COL5A2: variants seen among roughly 807,000 people sequenced by gnomAD.
COL5A2 encodes the protein collagen alpha-2(V) chain.
In COL5A2, 23 loss-of-function variants were observed where a neutral mutation model predicts 208.2. That is an observed-to-expected ratio of 0.11 (90% CI 0.08 to 0.16). The LOEUF (loss-of-function observed/expected upper bound fraction) is 0.16, where lower values mean the gene tolerates loss of function less well. Ranked by LOEUF, COL5A2 falls within the 10% of genes least tolerant of loss-of-function variation. The probability of loss-of-function intolerance (pLI) is 1.00; values close to 1 mark genes in which losing one functional copy is unlikely to be tolerated. For synonymous variants in COL5A2, 625 were observed against 628.5 expected (o/e 0.99, Z 0.08); for missense variants, 1,590 against 1,956.4 (o/e 0.81, Z 3.53).
intron 1 of COL5A2, among the ~76,000 whole-genome samples, chr2:189,174,198 T>G (rs1462565321): frequency 1.3e-5 from 2 of 152,218 alleles, no homozygotes; most frequent in Admixed American, 6.5e-5. Flanking sequence ...CTGTCTAGAA[T>G]GATGAACACA....
chr2:189,417,853 T>C, the COL5A2 span, among the ~76,000 whole-genome samples: 1 of 151,766 alleles, frequency 6.6e-6, no homozygotes, highest in Non-Finnish European at 1.5e-5. Context: ...TATATATATA[T>C]GCACACACAC....
the COL5A2 span, among the ~76,000 whole-genome samples, chr2:189,413,866 A>G: frequency 1.9e-4 from 25 of 130,828 alleles, no homozygotes; most frequent in Non-Finnish European, 3.8e-4. Context: ...ATCTCAGCTC[A>G]CTGCAACCTC....
chr2:189,197,174 C>T (rs1448531827), intron 1 of COL5A2, among the ~76,000 whole-genome samples: 1 of 152,122 alleles, frequency 6.6e-6, no homozygotes, highest in Non-Finnish European at 1.5e-5. Context: ...CCTCAGCAAA[C>T]TAACATAGGA....
At chr2:189,125,253 T>C (rs1198907373) in intron 1 of COL5A2, among the ~76,000 whole-genome samples, 1 of 152,178 alleles carries the variant, frequency 6.6e-6, no homozygotes, top group East Asian at 1.9e-4. Flanking sequence ...AATAAGGCCA[T>C]TCACAGTATC....
At chr2:189,208,070 C>T (rs1274243946) in intron 1 of COL5A2, among the ~76,000 whole-genome samples, 1 of 152,146 alleles carries the variant, frequency 6.6e-6, no homozygotes, top group Non-Finnish European at 1.5e-5. Flanking sequence ...TTTTGAGCTA[C>T]GAAGTCATTT....
the COL5A2 span, among the ~76,000 whole-genome samples, chr2:189,325,597 C>T: frequency 6.6e-6 from 1 of 152,124 alleles, no homozygotes; most frequent in South Asian, 2.1e-4. Context: ...GTGTAATCTG[C>T]AGTGATTTTT....
chr2:189,414,753 CAAAAAAAAAA>C, the COL5A2 span, among the ~76,000 whole-genome samples: 3 of 70,306 alleles, frequency 4.3e-5, no homozygotes, highest in African/African-American at 1.1e-4. Context: ...GACTCTGTCT[CAAAAAAAAAA>C]AAAAAAAAAA....
rs370718896 is a variant in COL5A2, at chr2:189,041,710, C to G, written c.3526-17G>C. ...TGGAGGACCCTGCAAGAAACAAAGA[C>G]TGTAGTTTAGATTCTATGAAGGAAA... On this transcript the variant is annotated splice_polypyrimidine_tract_variant and intron_variant, in intron 49 of 53. Coordinates refer to ENST00000374866, the MANE Select transcript of COL5A2 (RefSeq NM_000393.5). The G allele has an allele frequency of 4.4e-6, 7 of 1,588,800 alleles. No individual in the cohort carries two copies. The highest frequency in any genetic ancestry group is 5.2e-6 in the Non-Finnish European group (6 of 1,157,178).
At chr2:189,323,432 A>C in the COL5A2 span, among the ~76,000 whole-genome samples, 2 of 152,194 alleles carry the variant, frequency 1.3e-5, no homozygotes, top group African/African-American at 4.8e-5. Context: ...CCATCGTCTC[A>C]GCCCAAAATC....
In COL5A2 at chr2:189,052,949, G is replaced by A. The variant is rs754389345; in HGVS notation, c.2623C>T (p.Pro875Ser). 31 of 1,614,006 alleles carry A rather than the reference G, an allele frequency of 1.9e-5. No homozygotes were observed. The highest frequency in any genetic ancestry group is 2.5e-5 in the Non-Finnish European group (30 of 1,180,024). The change falls in exon 39 of 54, where the codon CCT (proline) becomes TCT (serine). Residue 875 changes from proline (P) to serine (S), a missense_variant. By Grantham distance (74) the Pro-to-Ser change is moderately conservative. Coordinates refer to ENST00000374866, the MANE Select transcript of COL5A2 (RefSeq NM_000393.5). ...GATCCTGCTAAACCTTGTGGTCCAG[G>A]AGAACCAGCATCTCCCTTCTGTCCT... is the stretch of plus-strand genomic sequence containing the variant. ...EPGQKGDAGS[P>S]GPQGLAGSPG...
intron 1 of COL5A2, among the ~76,000 whole-genome samples, chr2:189,145,963 G>A (rs1688031054): frequency 6.6e-6 from 1 of 152,022 alleles, no homozygotes; most frequent in Admixed American, 6.6e-5. Flanking sequence ...CTCATAAAGA[G>A]CAAGACAGTA....
the COL5A2 span, among the ~76,000 whole-genome samples, chr2:189,233,152 C>CA: frequency 6.6e-6 from 1 of 151,702 alleles, no homozygotes; most frequent in Non-Finnish European, 1.5e-5. Flanking sequence ...TCAGCACCAT[C>CA]AATACATATG....
the COL5A2 span, among the ~76,000 whole-genome samples, chr2:189,244,798 T>C: frequency 1.3e-5 from 2 of 152,182 alleles, no homozygotes; most frequent in Non-Finnish European, 2.9e-5. Flanking sequence ...CTGGTACCAA[T>C]TTGCTGTATT....
intron 1 of COL5A2, among the ~76,000 whole-genome samples, chr2:189,146,702 G>C (rs368389795): frequency 6.6e-6 from 1 of 152,096 alleles, no homozygotes; most frequent in South Asian, 2.1e-4. Context: ...GGGACGTCTG[G>C]AGACTATTTT....
chr2:189,191,114 T>A (rs1688917570), intron 1 of COL5A2, among the ~76,000 whole-genome samples: 1 of 130,428 alleles, frequency 7.7e-6, no homozygotes, highest in Non-Finnish European at 1.6e-5. Context: ...CAACAAAGAT[T>A]GCCTGAAGGG....
the COL5A2 span, among the ~76,000 whole-genome samples, chr2:189,386,205 C>A: frequency 6.6e-6 from 1 of 151,890 alleles, no homozygotes; most frequent in Non-Finnish European, 1.5e-5. Flanking sequence ...AAACTTATAT[C>A]AATAAGCAAT....
At chr2:189,326,148 G>A in the COL5A2 span, among the ~76,000 whole-genome samples, 21 of 150,242 alleles carry the variant, frequency 1.4e-4, no homozygotes, top group African/African-American at 5.1e-4. Context: ...GATGAGAATT[G>A]TATGTGAGAT....
intron 1 of COL5A2, among the ~76,000 whole-genome samples, chr2:189,124,021 A>G (rs1687560641): frequency 6.6e-6 from 1 of 152,198 alleles, no homozygotes; most frequent in South Asian, 2.1e-4. Context: ...AGAGTGGAAA[A>G]GTGACAAATA....
intron 1 of COL5A2, among the ~76,000 whole-genome samples, chr2:189,144,050 C>T (rs1384539961): frequency 5.3e-5 from 8 of 152,016 alleles, no homozygotes; most frequent in Admixed American, 4.6e-4. Flanking sequence ...AAAGAAACAA[C>T]GTAGTGTTTG....
Sources: gnomAD v4.1 joint callset for allele counts (sites outside exome capture counted in the v4.1 genomes callset) on GRCh38, gnomAD v4.1.1 for gene constraint, MANE v1.5 for transcripts, NCBI Gene and HGNC (gene_info 2026-07-23, HGNC 2026-07-21) for gene names.